CRTC3: variants seen among roughly 807,000 people sequenced by gnomAD.
The protein encoded by CRTC3 is CREB-regulated transcription coactivator 3.
CRTC3 carries 26 observed loss-of-function variants against 74.5 expected under a neutral mutation model. That is an observed-to-expected ratio of 0.35 (90% CI 0.26 to 0.48). The LOEUF is 0.48. Among genes scored for constraint, CRTC3 ranks in the 20% least tolerant of loss-of-function variants. CRTC3 has a pLI of 0.99. For missense variants in CRTC3, 760 were observed against 787.3 expected (o/e 0.97, Z 0.41); for synonymous variants, 377 against 325.8 (o/e 1.16, Z -1.69).
chr15:90,541,748 G>GGATAAAAT (rs1191429732), intron 2 of CRTC3, among the ~76,000 whole-genome samples: 1 of 151,398 alleles, frequency 6.6e-6, no homozygotes. Flanking sequence ...TTGGGGAATG[G>GGATAAAAT]GATAAAATGA....
At chr15:90,605,112 C>T (rs996009469) in intron 5 of CRTC3, among the ~76,000 whole-genome samples, 27 of 150,000 alleles carry the variant, frequency 1.8e-4, no homozygotes, top group African/African-American at 5.9e-4. Context: ...AAAAAAAAGG[C>T]GTGGTGGCAC....
intron 2 of CRTC3, among the ~76,000 whole-genome samples, chr15:90,550,448 G>GTTT (rs34296183): frequency 0.31 from 43,830 of 142,514 alleles, 7,160 homozygotes; most frequent in East Asian, 0.43. Context: ...TCCTTTGCCT[G>GTTT]TTTTTTTTTT....
chr15:90,564,565 C>A (rs766735145), intron 2 of CRTC3, among the ~76,000 whole-genome samples: 16 of 152,158 alleles, frequency 1.1e-4, no homozygotes, highest in Non-Finnish European at 1.6e-4. Context: ...CGAGACTAGT[C>A]CCTGCAGTTA....
At chr15:90,568,381 C>T (rs779432381) in intron 2 of CRTC3, among the ~76,000 whole-genome samples, 1 of 151,816 alleles carries the variant, frequency 6.6e-6, no homozygotes, top group African/African-American at 2.4e-5. Context: ...TAAATAGTCT[C>T]GCTCTGTCAC....
At chr15:90,630,879 G>A (rs1245611757) in intron 11 of CRTC3, among the ~76,000 whole-genome samples, 1 of 51,172 alleles carries the variant, frequency 2.0e-5, no homozygotes, top group African/African-American at 5.1e-5. Context: ...CCGGGTTCAC[G>A]CCATTCTCCT....
At chr15:90,606,553 C>G (rs1968225756) in intron 5 of CRTC3, among the ~76,000 whole-genome samples, 1 of 151,970 alleles carries the variant, frequency 6.6e-6, no homozygotes, top group African/African-American at 2.4e-5. Flanking sequence ...CAGAGCGAGA[C>G]TCTGTCTCAG....
chr15:90,536,294 GGGA>G (rs1322724451), intron 1 of CRTC3, among the ~76,000 whole-genome samples: 1 of 152,028 alleles, frequency 6.6e-6, no homozygotes. Context: ...CCAGCACTTT[GGGA>G]GGCTGAGGCG....
At chr15:90,602,415 TG>T in intron 4 of CRTC3, 30 bp downstream of exon 4, 1 of 1,172,924 alleles carries the variant, frequency 8.5e-7, no homozygotes, top group Non-Finnish European at 1.3e-6. Flanking sequence ...AAAGATATGA[TG>T]GGCATGTGTT....
At chr15:90,612,081 CGCCTCCTCCTCCGCCTCT>C (rs1235065249) in intron 6 of CRTC3, among the ~76,000 whole-genome samples, 3 of 146,290 alleles carry the variant, frequency 2.1e-5, no homozygotes, top group South Asian at 2.2e-4. Context: ...CCTCCTCCTC[CGCCTCCTCCTCCGCCTCT>C]GCCTCCTCCT....
At chr15:90,632,508 T>G (rs991903235) in intron 11 of CRTC3, among the ~76,000 whole-genome samples, 4 of 152,230 alleles carry the variant, frequency 2.6e-5, no homozygotes, top group African/African-American at 4.8e-5. Context: ...TCTAAAGGGC[T>G]TGTTATAGAA....
At chr15:90,609,097 T>C (rs920486046) in intron 6 of CRTC3, among the ~76,000 whole-genome samples, 2 of 152,276 alleles carry the variant, frequency 1.3e-5, no homozygotes, top group African/African-American at 4.8e-5. Context: ...TTTCTTTGTA[T>C]ATAGCAGGGA....
At chr15:90,627,412 T>TTG (rs1258389618) in intron 10 of CRTC3, among the ~76,000 whole-genome samples, 48 of 152,226 alleles carry the variant, frequency 3.2e-4, no homozygotes, top group Non-Finnish European at 5.7e-4. Context: ...TTTGGGTGAA[T>TTG]CCTCAATGTA....
chr15:90,556,994 ATAT>A (rs1238957236), intron 2 of CRTC3, among the ~76,000 whole-genome samples: 1 of 141,106 alleles, frequency 7.1e-6, no homozygotes, highest in African/African-American at 2.7e-5. Flanking sequence ...ATATATATAT[ATAT>A]ATCTTTATAA....
intron 6 of CRTC3, 128 bp downstream of exon 6, chr15:90,607,606 C>T (rs1968258650): frequency 3.3e-6 from 2 of 608,242 alleles, no homozygotes; most frequent in South Asian, 4.1e-5. Context: ...CAGCTCGTGG[C>T]AGGGAAGCGT....
At chr15:90,539,843 G>A in intron 1 of CRTC3, 196 bp from the exon 2 acceptor site, 1 of 567,198 alleles carries the variant, frequency 1.8e-6, no homozygotes, top group Non-Finnish European at 3.1e-6. Flanking sequence ...TTGGAACATG[G>A]GTAAGCTCTT....
intron 2 of CRTC3, among the ~76,000 whole-genome samples, chr15:90,584,609 T>TA (rs1166814925): frequency 6.6e-6 from 1 of 152,198 alleles, no homozygotes; most frequent in Non-Finnish European, 1.5e-5. Flanking sequence ...GAAATTTATT[T>TA]AGTACTGGTG....
Position 90,540,130 on chromosome 15 carries a change from A to T in CRTC3, c.224A>T (p.Glu75Val). The change falls in exon 2 of 15, where the codon GAG (glutamate) becomes GTG (valine). Residue 75 changes from glutamate (E) to valine (V), a missense_variant. Physicochemically the swap from Glu to Val is moderately radical, Grantham distance 121. Transcript: ENST00000268184. ...NVSQLRSSAS[E>V]FQPSFHQADN... ...AGCCAGCTGCGGAGCAGTGCGTCAG[A>T]GTTTCAGGTACCTCCAGATATGTAC... 1 of 1,602,988 alleles carries T rather than the reference A, an allele frequency of 6.2e-7. No homozygotes were observed. Among genetic ancestry groups the T allele is most frequent in the South Asian group, 1.1e-5 (1 of 90,234 alleles).
intron 2 of CRTC3, among the ~76,000 whole-genome samples, chr15:90,548,053 C>A (rs913158772): frequency 8.6e-5 from 13 of 152,020 alleles, no homozygotes; most frequent in African/African-American, 3.1e-4. Context: ...CCACACCCGG[C>A]CAGTTTTTGT....
intron 2 of CRTC3, among the ~76,000 whole-genome samples, chr15:90,592,074 C>T (rs1967813429): frequency 6.6e-6 from 1 of 152,052 alleles, no homozygotes; most frequent in Non-Finnish European, 1.5e-5. Context: ...TTTATGAGTC[C>T]ACTTGGGAGA....
Sources: allele counts gnomAD v4.1 joint callset (sites outside exome capture counted in the v4.1 genomes callset), GRCh38; gene constraint gnomAD v4.1.1; transcripts MANE v1.5; gene names NCBI Gene and HGNC (gene_info 2026-07-23, HGNC 2026-07-21).